Variants in CLIP1 observed in about 807,000 individuals in gnomAD.
CLIP1 encodes CAP-Gly domain containing linker protein 1, also known as CAP-Gly domain-containing linker protein 1.
CLIP1 carries 66 observed loss-of-function variants against 161.6 expected under a neutral mutation model. The ratio of observed to expected loss-of-function variants is 0.41; its 90% CI spans 0.33 to 0.50. CLIP1 has a LOEUF of 0.50. Ranked by LOEUF, CLIP1 falls within the 20% of genes least tolerant of loss-of-function variation. The pLI is 0.27. For synonymous variants in CLIP1, 598 were observed against 626.2 expected, an observed-to-expected ratio of 0.96 and a Z score of 0.67; for missense variants, 1,376 against 1,702.0, an observed-to-expected ratio of 0.81 and a Z score of 3.37.
intron 17 of CLIP1, chr12:122,322,438 G>A (rs1372124270): frequency 6.5e-6 from 1 of 152,680 alleles, no homozygotes; most frequent in Non-Finnish European, 1.5e-5. Context: ...TGAGGCAGCT[G>A]TGCAGTTCCT....
At chr12:122,298,680 G>A (rs1037458538) in intron 20 of CLIP1, among the ~76,000 whole-genome samples, 7 of 152,016 alleles carry the variant, frequency 4.6e-5, no homozygotes, top group Non-Finnish European at 1.0e-4. Flanking sequence ...GGGCTGGGTG[G>A]TGGCACATGC....
intron 3 of CLIP1, among the ~76,000 whole-genome samples, chr12:122,367,535 C>A (rs1348551516): frequency 3.9e-5 from 6 of 152,188 alleles, no homozygotes. Flanking sequence ...CGGGACTTTA[C>A]AAAGTTAGGT....
chr12:122,280,734 T>A (rs1955613501), intron 21 of CLIP1: 1 of 152,226 alleles, frequency 6.6e-6, no homozygotes, highest in South Asian at 2.1e-4. Context: ...AATAAAAAGT[T>A]TTTTAAATGA....
chr12:122,397,613 T>TC (rs1225249696), intron 1 of CLIP1, among the ~76,000 whole-genome samples: 1 of 133,348 alleles, frequency 7.5e-6, no homozygotes, highest in African/African-American at 2.8e-5. Flanking sequence ...GAATCACCTC[T>TC]CCCCATTTTC....
At chr12:122,415,623 A>T (rs1254987489) in intron 1 of CLIP1, among the ~76,000 whole-genome samples, 1 of 152,096 alleles carries the variant, frequency 6.6e-6, no homozygotes, top group Non-Finnish European at 1.5e-5. Flanking sequence ...GTTTGAGACC[A>T]ACCTGGCCAA....
intron 20 of CLIP1, among the ~76,000 whole-genome samples, chr12:122,307,468 A>C (rs1319254687): frequency 2.0e-5 from 3 of 152,232 alleles, no homozygotes; most frequent in Admixed American, 6.5e-5. Flanking sequence ...GTCGTGGGTC[A>C]GTACTTACCT....
intron 3 of CLIP1, 89 bp downstream of exon 3, chr12:122,377,300 G>A (rs569716730): frequency 1.3e-5 from 16 of 1,232,576 alleles, no homozygotes; most frequent in African/African-American, 3.0e-5. Flanking sequence ...GAGCCACCGC[G>A]CCCAGCCCTG....
chr12:122,278,362 T>A, intron 23 of CLIP1, 159 bp from the exon 24 acceptor site: 1 of 704,616 alleles, frequency 1.4e-6, no homozygotes, highest in Admixed American at 2.6e-5. Context: ...TGAGTTTGTG[T>A]CCCCTTGCGG....
chr12:122,319,740 T>A (rs1257776376), intron 17 of CLIP1, among the ~76,000 whole-genome samples: 1 of 152,224 alleles, frequency 6.6e-6, no homozygotes, highest in Non-Finnish European at 1.5e-5. Flanking sequence ...TATTTATTAT[T>A]ATAAGTTTAA....
At chr12:122,292,145 C>A (rs1950272243) in intron 20 of CLIP1, among the ~76,000 whole-genome samples, 1 of 151,912 alleles carries the variant, frequency 6.6e-6, no homozygotes, top group South Asian at 2.1e-4. Context: ...GCATGTGTCA[C>A]CACGCCAGGC....
intron 7 of CLIP1, among the ~76,000 whole-genome samples, chr12:122,353,851 G>C (rs575248501): frequency 8.6e-5 from 13 of 151,388 alleles, no homozygotes; most frequent in African/African-American, 3.2e-4. Flanking sequence ...CGTTGGTCTC[G>C]AACTTCTGAC....
chr12:122,293,341 A>C (rs1950331952), intron 20 of CLIP1, among the ~76,000 whole-genome samples: 1 of 152,154 alleles, frequency 6.6e-6, no homozygotes, highest in Non-Finnish European at 1.5e-5. Flanking sequence ...CTAGTTGGCA[A>C]ATAGATTAAT....
At chr12:122,378,271 G>C (rs1209014830) in intron 2 of CLIP1, among the ~76,000 whole-genome samples, 1 of 152,064 alleles carries the variant, frequency 6.6e-6, no homozygotes, top group East Asian at 1.9e-4. Flanking sequence ...ATTTTTAGTA[G>C]AGACGGGGTC....
At chr12:122,278,395 A>G in intron 23 of CLIP1, 192 bp from the exon 24 acceptor site, 1 of 614,520 alleles carries the variant, frequency 1.6e-6, no homozygotes, top group Non-Finnish European at 2.8e-6. Flanking sequence ...TCTCACAGAC[A>G]CCAGCCTTGC....
At chr12:122,415,440 C>A (rs1398669509) in intron 1 of CLIP1, among the ~76,000 whole-genome samples, 1 of 149,084 alleles carries the variant, frequency 6.7e-6, no homozygotes, top group Non-Finnish European at 1.5e-5. Flanking sequence ...CGAGATGGCG[C>A]CACTGCACTC....
chr12:122,310,723 A>T (rs1424479626), intron 19 of CLIP1, among the ~76,000 whole-genome samples: 1 of 152,242 alleles, frequency 6.6e-6, no homozygotes, highest in African/African-American at 2.4e-5. Flanking sequence ...TGGAATTGTG[A>T]ATTTTAAGTA....
Position 122,293,929 on chromosome 12 carries a change from C to T in CLIP1, c.3595-5388G>A, listed in dbSNP as rs536654604. ...ACACCATTCTCCTGCCTCAGCCTCC[C>T]GGAGAATTTCTTAAAAAGGTAAACA... is the stretch of plus-strand genomic sequence containing the variant. On this transcript the variant is annotated intron_variant, in intron 20 of 25. Transcript: ENST00000620786. Among the ~76,000 whole-genome samples, 18 of 151,706 alleles carry T rather than the reference C, an allele frequency of 1.2e-4. 1 individual carries two copies. The highest frequency in any genetic ancestry group is 3.9e-4 in the Admixed American group (6 of 15,202).
In CLIP1 at chr12:122,341,077, A is replaced by G. The variant is rs1485991660; in HGVS notation, c.2127T>C (p.Ser709=). 1 of 1,613,734 alleles carries G rather than the reference A, an allele frequency of 6.2e-7. No homozygotes were observed. Among genetic ancestry groups the G allele is most frequent in the South Asian group, 1.1e-5 (1 of 91,046 alleles). ...CCAGTTTCGACCTGATGGCTTCCAGACTGTTTTCCTTTTCTTTAATAACTT... is the reference window on the plus strand; with the variant it reads ...CCAGTTTCGACCTGATGGCTTCCAGGCTGTTTTCCTTTTCTTTAATAACTT... ...LMKVIKEKEN[S]LEAIRSKLDK... is the part of the protein sequence containing the mutation. Residue 709 remains serine, a synonymous_variant, in exon 11 of 26, where the codon AGT becomes AGC. Coordinates refer to ENST00000620786, the MANE Select transcript of CLIP1 (RefSeq NM_001247997.2).
chr12:122,329,575 A>G (rs1272462576), intron 15 of CLIP1, among the ~76,000 whole-genome samples: 2 of 151,760 alleles, frequency 1.3e-5, no homozygotes, highest in Non-Finnish European at 2.9e-5. Context: ...GCTTGCAGTG[A>G]GCCGAGATCG....
Sources: allele counts gnomAD v4.1 joint callset (sites outside exome capture counted in the v4.1 genomes callset), GRCh38; gene constraint gnomAD v4.1.1; transcripts MANE v1.5; gene names NCBI Gene and HGNC (gene_info 2026-07-23, HGNC 2026-07-21).